CAMK4: variants seen among roughly 807,000 people sequenced by gnomAD.
CAMK4 encodes calcium/calmodulin-dependent protein kinase type IV.
CAMK4 carries 22 observed loss-of-function variants against 44.9 expected under a neutral mutation model. The observed-to-expected ratio is 0.49, with a 90% CI of 0.35 to 0.70. The LOEUF (loss-of-function observed/expected upper bound fraction) is 0.70, where lower values mean the gene tolerates loss of function less well. Ranked by LOEUF, CAMK4 falls within the 30% of genes least tolerant of loss-of-function variation. The probability of loss-of-function intolerance (pLI) is 0.01; values close to 1 mark genes in which losing one functional copy is unlikely to be tolerated. For missense variants in CAMK4, 498 were observed against 586.8 expected, an observed-to-expected ratio of 0.85 and a Z score of 1.56; for synonymous variants, 218 against 215.4, an observed-to-expected ratio of 1.01 and a Z score of -0.11.
intron 9 of CAMK4, among the ~76,000 whole-genome samples, chr5:111,480,243 C>T (rs1346254710): frequency 2.2e-5 from 3 of 134,530 alleles, no homozygotes; most frequent in Non-Finnish European, 4.7e-5. Context: ...TACACATAGG[C>T]ATGTAAACAC....
intron 1 of CAMK4, among the ~76,000 whole-genome samples, chr5:111,315,127 G>A (rs1319014797): frequency 6.6e-6 from 1 of 152,090 alleles, no homozygotes; most frequent in Non-Finnish European, 1.5e-5. Flanking sequence ...AAGTGTGTGT[G>A]CATTTGGATG....
intron 1 of CAMK4, among the ~76,000 whole-genome samples, chr5:111,255,125 G>A (rs776696843): frequency 6.6e-6 from 1 of 152,094 alleles, no homozygotes; most frequent in Non-Finnish European, 1.5e-5. Flanking sequence ...ATTCCCTGGT[G>A]TAATTGAAGT....
rs144400104 is a variant in CAMK4, at chr5:111,486,851, T to C, written c.*2385T>C. Reference sequence around the variant, plus strand: ...CCTCTATCTTTTTAAACCCATAAACTACATTTTTAAAAAAATCAATGGGAG... The same window carrying C: ...CCTCTATCTTTTTAAACCCATAAACCACATTTTTAAAAAAATCAATGGGAG... On this transcript the variant is annotated 3_prime_UTR_variant, in exon 11 of 11. Coordinates refer to ENST00000282356, the MANE Select transcript of CAMK4 (RefSeq NM_001744.6). 7 of 152,256 alleles carry C rather than the reference T, an allele frequency of 4.6e-5. No homozygotes were observed. The East Asian group carries it at 1.2e-3, about 25-fold the overall frequency. 9.4% of individuals were successfully genotyped at this position (152,256 alleles called of 1,614,324 possible). A position where few individuals can be genotyped will look rare whatever the true frequency, so the allele number is the denominator to read the frequency against.
chr5:111,229,665 C>T lies in CAMK4; in HGVS notation c.161+5021C>T, dbSNP rs188175018. Reference sequence around the variant, plus strand: ...CCCATGGCCTATCTGGGTAGGTATACTGCTGGCTTCTGATCTCCTGCTACA... The same window carrying T: ...CCCATGGCCTATCTGGGTAGGTATATTGCTGGCTTCTGATCTCCTGCTACA... On this transcript the variant is annotated intron_variant, in intron 1 of 10. Transcript: ENST00000282356. 2.4e-4 allele frequency among the ~76,000 whole-genome samples: 37 copies of T among 152,332 alleles called. No homozygotes were observed. In the East Asian group the frequency reaches 6.6e-3, roughly 27 times the overall value.
chr5:111,259,513 A>C (rs1487997556), intron 1 of CAMK4, among the ~76,000 whole-genome samples: 1 of 152,226 alleles, frequency 6.6e-6, no homozygotes, highest in Non-Finnish European at 1.5e-5. Flanking sequence ...CCAACAGCTC[A>C]TTGGAAATGA....
intron 1 of CAMK4, among the ~76,000 whole-genome samples, chr5:111,332,951 G>A (rs1749234637): frequency 6.6e-6 from 1 of 151,124 alleles, no homozygotes; most frequent in South Asian, 2.1e-4. Flanking sequence ...TCGTTGAGTG[G>A]CAGCAATTAA....
upstream of CAMK4, chr5:111,224,287 C>A (rs1435318751): frequency 1.3e-5 from 9 of 681,746 alleles, no homozygotes; most frequent in African/African-American, 1.9e-5. This position sits in a 1 kb window ranked among gnomAD's most constrained non-coding sequence, Gnocchi z 5.7. Context: ...GGTTCCCCCT[C>A]GCGCCCTCTC....
intron 2 of CAMK4, among the ~76,000 whole-genome samples, chr5:111,360,215 A>G (rs1457260152): frequency 1.3e-5 from 2 of 152,064 alleles, no homozygotes; most frequent in African/African-American, 4.8e-5. Context: ...GTTTAAAAGT[A>G]TTTCTTTAGG....
chr5:111,335,437 C>G (rs1288155999), intron 1 of CAMK4, among the ~76,000 whole-genome samples: 1 of 151,314 alleles, frequency 6.6e-6, no homozygotes, highest in African/African-American at 2.4e-5. Flanking sequence ...GTTATGTCAA[C>G]ACTCCTGCAT....
At chr5:111,237,258 G>C (rs1296129194) in intron 1 of CAMK4, among the ~76,000 whole-genome samples, 1 of 152,172 alleles carries the variant, frequency 6.6e-6, no homozygotes, top group South Asian at 2.1e-4. Flanking sequence ...CTATCTTAAA[G>C]AGCCCCCATC....
At chr5:111,413,008 T>C (rs1752683665) in intron 5 of CAMK4, among the ~76,000 whole-genome samples, 1 of 152,194 alleles carries the variant, frequency 6.6e-6, no homozygotes, top group African/African-American at 2.4e-5. Flanking sequence ...GTAATTCTTG[T>C]ACTGCTGTAC....
chr5:111,246,798 T>G (rs942740011), intron 1 of CAMK4, among the ~76,000 whole-genome samples: 1 of 152,190 alleles, frequency 6.6e-6, no homozygotes, highest in Non-Finnish European at 1.5e-5. Flanking sequence ...AATTGTTGGT[T>G]TATGTCATTC....
intron 1 of CAMK4, among the ~76,000 whole-genome samples, chr5:111,285,311 C>T (rs1003265453): frequency 6.6e-6 from 1 of 152,112 alleles, no homozygotes; most frequent in Non-Finnish European, 1.5e-5. Flanking sequence ...ATTATGAATC[C>T]TACGAAATTT....
At chr5:111,466,720 C>T (rs1248195646) in intron 7 of CAMK4, among the ~76,000 whole-genome samples, 3 of 152,072 alleles carry the variant, frequency 2.0e-5, no homozygotes, top group Non-Finnish European at 1.5e-5. Context: ...GGGACATGTC[C>T]CATGCTCATG....
intron 1 of CAMK4, among the ~76,000 whole-genome samples, chr5:111,334,469 A>G (rs1000821615): frequency 1.3e-5 from 2 of 151,492 alleles, no homozygotes; most frequent in South Asian, 2.1e-4. Flanking sequence ...TACTGATATT[A>G]AATGCTTACA....
In CAMK4 at chr5:111,422,335, A is replaced by G. The variant is rs542050342; in HGVS notation, c.460-24351A>G. Among the ~76,000 whole-genome samples, 6 of 152,284 alleles carry G rather than the reference A, an allele frequency of 3.9e-5. No homozygotes were observed. The South Asian group carries it at 1.2e-3, about 32-fold the overall frequency. ...GCCAGTTTTTCATGGCTCTTTTCCTATGAGGAAAGTAGAAATAGTATTTCC... is the reference window on the plus strand; with the variant it reads ...GCCAGTTTTTCATGGCTCTTTTCCTGTGAGGAAAGTAGAAATAGTATTTCC... On this transcript the variant is annotated intron_variant, in intron 5 of 10. Transcript: ENST00000282356.
At chr5:111,395,219 A>AG (rs1751955746) in intron 5 of CAMK4, among the ~76,000 whole-genome samples, 1 of 103,914 alleles carries the variant, frequency 9.6e-6, no homozygotes, top group East Asian at 3.0e-4. Context: ...CTCAAAAAAA[A>AG]AAAAAAAAGA....
At chr5:111,435,212 A>AATGCATATTTGCTTTAGG (rs1753602502) in intron 5 of CAMK4, among the ~76,000 whole-genome samples, 1 of 152,114 alleles carries the variant, frequency 6.6e-6, no homozygotes. Context: ...ATTCTACTTT[A>AATGCATATTTGCTTTAGG]ATGCATATTT....
chr5:111,381,491 G>T (rs1342263968), intron 4 of CAMK4, among the ~76,000 whole-genome samples: 1 of 152,156 alleles, frequency 6.6e-6, no homozygotes, highest in African/African-American at 2.4e-5. Flanking sequence ...AGGCAGCACA[G>T]GAGAAAGATG....
Sources: allele counts gnomAD v4.1 joint callset (sites outside exome capture counted in the v4.1 genomes callset), GRCh38; gene constraint gnomAD v4.1.1; non-coding constraint Gnocchi (gnomAD v3.1); transcripts MANE v1.5; gene names NCBI Gene and HGNC (gene_info 2026-07-23, HGNC 2026-07-21).